The following RPL7A variants were observed in gnomAD, a reference collection of about 807,000 sequenced individuals.
RPL7A encodes the protein large ribosomal subunit protein eL8.
For synonymous variants in RPL7A, 158 were observed against 128.2 expected (o/e 1.23, Z -1.57); for missense variants, 291 against 338.2 (o/e 0.86, Z 1.09).
At chr9:133,350,388 G>A (rs975377677) in intron 5 of RPL7A, 69 bp downstream of exon 5, 3 of 1,579,508 alleles carry the variant, frequency 1.9e-6, no homozygotes, top group African/African-American at 2.7e-5. Context: ...TAGACCTAAT[G>A]CCAAGTCAGT....
intron 5 of RPL7A, 92 bp from the exon 6 acceptor site, chr9:133,350,505 A>AT: frequency 1.2e-6 from 2 of 1,600,396 alleles, no homozygotes; most frequent in Non-Finnish European, 1.7e-6. Context: ...GTGCGAATCC[A>AT]TGAGCTTTTT....
intron 3 of RPL7A, 105 bp from the exon 4 acceptor site, chr9:133,349,807 A>G: frequency 6.3e-7 from 1 of 1,580,840 alleles, no homozygotes; most frequent in Non-Finnish European, 8.6e-7. Flanking sequence ...TTGTCATTAA[A>G]TTATAGTCAT....
In RPL7A at chr9:133,349,900, G is replaced by A. The variant is rs2129989563; in HGVS notation, c.275-12G>A. ...CTTGACTCCAAGCCTAAACTGAAGAGTGTTTTTCCAGCTACTCAGCTGCTT... is the reference window on the plus strand; with the variant it reads ...CTTGACTCCAAGCCTAAACTGAAGAATGTTTTTCCAGCTACTCAGCTGCTT... On this transcript the variant is annotated splice_polypyrimidine_tract_variant and intron_variant, in intron 3 of 7. Coordinates refer to ENST00000323345, the MANE Select transcript of RPL7A (RefSeq NM_000972.3). The A allele has an allele frequency of 6.2e-7, 1 of 1,611,112 alleles. No homozygotes were observed. The highest frequency in any genetic ancestry group is 8.5e-7 in the Non-Finnish European group (1 of 1,179,790).
Position 133,350,737 on chromosome 9 carries a change from C to G in RPL7A, c.626+10C>G, listed in dbSNP as rs2129995723. 3.9e-5 allele frequency: 63 copies of G among 1,611,038 alleles called. No individual in the cohort carries two copies. The highest frequency in any genetic ancestry group is 5.0e-5 in the Non-Finnish European group (59 of 1,177,404). The stretch of plus-strand genomic sequence containing the variant: ...TCACACAGGTGAACTCGTAAGTACA[C>G]AGCCTGGCCCCAAACTTCCCCCCAG... On this transcript the variant is annotated intron_variant, in intron 6 of 7. Coordinates refer to ENST00000323345, the MANE Select transcript of RPL7A (RefSeq NM_000972.3).
At chr9:133,349,084 T>C in intron 2 of RPL7A, 42 bp downstream of exon 2, 5 of 1,607,418 alleles carry the variant, frequency 3.1e-6, no homozygotes, top group Non-Finnish European at 4.3e-6. Context: ...TATGTTTTTC[T>C]CAAGGGAAGG....
Position 133,350,675 on chromosome 9 carries a change from C to G in RPL7A, c.574C>G (p.Arg192Gly). Reference sequence around the variant, plus strand: ...TATCAAGGGAAAGGCAAGACTGGGACGTCTAGTCCACAGGAAGACCTGCAC... The same window carrying G: ...TATCAAGGGAAAGGCAAGACTGGGAGGTCTAGTCCACAGGAAGACCTGCAC... ...CIIKGKARLG[R>G]LVHRKTCTTV... Residue 192 changes from arginine (R) to glycine (G), a missense_variant, in exon 6 of 8, where the codon CGT becomes GGT. Coordinates refer to ENST00000323345, the MANE Select transcript of RPL7A (RefSeq NM_000972.3). The G allele has an allele frequency of 1.2e-6, 2 of 1,614,110 alleles. No individual in the cohort carries two copies. The highest frequency in any genetic ancestry group is 1.7e-6 in the Non-Finnish European group (2 of 1,180,002).
intron 4 of RPL7A, 38 bp from the exon 5 acceptor site, chr9:133,350,202 G>A: frequency 6.2e-7 from 1 of 1,611,328 alleles, no homozygotes; most frequent in South Asian, 1.1e-5. Flanking sequence ...GACTAGAGCA[G>A]GCCCTGTGAG....
intron 5 of RPL7A, 40 bp downstream of exon 5, chr9:133,350,359 C>CAGT (rs2129993056): frequency 6.2e-7 from 1 of 1,606,582 alleles, no homozygotes; most frequent in South Asian, 1.1e-5. Context: ...GGGCTTCTGG[C>CAGT]AGTACCAGGA....
chr9:133,350,524 G>A (rs1564345098), intron 5 of RPL7A, 73 bp from the exon 6 acceptor site: 2 of 1,610,468 alleles, frequency 1.2e-6, no homozygotes, highest in African/African-American at 2.7e-5. Context: ...TTAACCCTGA[G>A]CAATTGTTAC....
At chr9:133,349,730 C>A (rs782580335) in intron 3 of RPL7A, 30 bp downstream of exon 3, 3 of 1,611,006 alleles carry the variant, frequency 1.9e-6, no homozygotes, top group Middle Eastern at 1.7e-4. Context: ...AAAGGAGTTT[C>A]TCAGGCAAGG....
In RPL7A at chr9:133,348,511, C is replaced by A. The variant is rs953695974; in HGVS notation, c.3+265C>A. 1.3e-5 allele frequency: 8 copies of A among 607,096 alleles called. No homozygotes were observed. The South Asian group carries it at 1.4e-4, about 10-fold the overall frequency. 37.6% of individuals were successfully genotyped at this position (607,096 alleles called of 1,614,324 possible). ...GCTGGGTGTCGCAGGCCTGGAGCACCGCAGTGCGGGGCTCGGAGCCCTAGC... is the reference window on the plus strand; with the variant it reads ...GCTGGGTGTCGCAGGCCTGGAGCACAGCAGTGCGGGGCTCGGAGCCCTAGC... On this transcript the variant is annotated intron_variant, in intron 1 of 7. Transcript: ENST00000323345.
In RPL7A at chr9:133,349,007, C is replaced by T; in HGVS notation, c.89C>T (p.Pro30Leu). 6.2e-7 allele frequency: 1 copy of T among 1,614,020 alleles called. No individual in the cohort carries two copies. Among genetic ancestry groups the T allele is most frequent in the Non-Finnish European group, 8.5e-7 (1 of 1,179,986 alleles). The change falls in exon 2 of 8, where the codon CCC becomes CTC. Residue 30 changes from proline (P) to leucine (L), a missense_variant. Physicochemically the swap from Pro to Leu is moderately conservative, Grantham distance 98. Coordinates refer to ENST00000323345, the MANE Select transcript of RPL7A (RefSeq NM_000972.3). The stretch of plus-strand genomic sequence containing the variant: ...CAGGAGGCTAAGAAAGTGGTGAATC[C>T]CCTGTTTGAGAAAAGGCCTAAGAAT... ...KKQEAKKVVN[P>L]LFEKRPKNFG... is the part of the protein sequence containing the mutation.
intron 6 of RPL7A, 47 bp from the exon 7 acceptor site, chr9:133,350,955 G>A (rs370476807): frequency 7.5e-6 from 12 of 1,599,170 alleles, no homozygotes; most frequent in Non-Finnish European, 9.4e-6. Flanking sequence ...TTCTAAAAGG[G>A]AAACTAAGGC....
chr9:133,349,298 G>A, intron 2 of RPL7A: 1 of 774,620 alleles, frequency 1.3e-6, no homozygotes, highest in East Asian at 2.5e-5. Context: ...CAGTGTCGCA[G>A]CGAGGTACTA....
intron 6 of RPL7A, 49 bp from the exon 7 acceptor site, chr9:133,350,953 G>A (rs2129997151): frequency 6.3e-7 from 1 of 1,595,282 alleles, no homozygotes; most frequent in Admixed American, 1.7e-5. Flanking sequence ...CATTCTAAAA[G>A]GGAAACTAAG....
At chr9:133,350,788 G>GT (rs1836376672) in intron 6 of RPL7A, 61 bp downstream of exon 6, 1 of 1,604,786 alleles carries the variant, frequency 6.2e-7, no homozygotes, top group Non-Finnish European at 8.5e-7. Context: ...CCTCACAGTT[G>GT]TTTCCTTTTG....
chr9:133,350,552 CT>C, intron 5 of RPL7A, 44 bp from the exon 6 acceptor site: 1 of 1,614,160 alleles, frequency 6.2e-7, no homozygotes, highest in Non-Finnish European at 8.5e-7. Context: ...CTGAAATTTG[CT>C]GCTTTTGGTC....
chr9:133,350,072 G>C lies in RPL7A; in HGVS notation c.415+20G>C, dbSNP rs2129991054. The C allele has an allele frequency of 2.5e-6, 4 of 1,613,872 alleles. No individual in the cohort carries two copies. The African/African-American group carries it at 5.3e-5, about 22-fold the overall frequency. Reference sequence around the variant, plus strand: ...GAGCAGGTGAGTAGGCCCCACCTTAGGGTGAACACTGGGGGCGGGCTGTTG... The same window carrying C: ...GAGCAGGTGAGTAGGCCCCACCTTACGGTGAACACTGGGGGCGGGCTGTTG... On this transcript the variant is annotated intron_variant, in intron 4 of 7. Transcript: ENST00000323345.
At position 133,350,684 on chromosome 9, in the gene RPL7A, C is replaced by T. The variant is rs1252333706; in HGVS notation, c.583C>T (p.His195Tyr). 1.2e-6 allele frequency: 2 copies of T among 1,614,134 alleles called. No individual in the cohort carries two copies. ...KGKARLGRLV[H>Y]RKTCTTVAFT... ...AAAGGCAAGACTGGGACGTCTAGTC[C>T]ACAGGAAGACCTGCACCACTGTCGC... Residue 195 changes from histidine (H) to tyrosine (Y), a missense_variant, in exon 6 of 8, where the codon CAC becomes TAC. Coordinates refer to ENST00000323345, the MANE Select transcript of RPL7A (RefSeq NM_000972.3).
Sources: allele counts gnomAD v4.1 joint callset, GRCh38; gene constraint gnomAD v4.1.1; transcripts MANE v1.5; gene names NCBI Gene and HGNC (gene_info 2026-07-23, HGNC 2026-07-21).